Variants in ZNF791 observed in about 807,000 individuals in gnomAD.
ZNF791 encodes zinc finger protein 791.
Under a neutral mutation model 11.5 loss-of-function variants are expected in ZNF791, and 4 were observed. The ratio of observed to expected loss-of-function variants is 0.35; its 90% CI spans 0.17 to 0.80. ZNF791 has a LOEUF of 0.80. Ranked by LOEUF, ZNF791 falls within the 30% of genes least tolerant of loss-of-function variation. The pLI is 0.53. For synonymous variants in ZNF791, 212 were observed against 228.1 expected, an observed-to-expected ratio of 0.93 and a Z score of 0.64; for missense variants, 559 against 699.4, an observed-to-expected ratio of 0.80 and a Z score of 2.26.
In ZNF791 at chr19:12,627,904, C is replaced by T. The variant is rs145986415; in HGVS notation, c.375C>T (p.Tyr125=). 41 of 1,614,058 alleles carry T rather than the reference C, an allele frequency of 2.5e-5. No homozygotes were observed. Among genetic ancestry groups the T allele is most frequent in the African/African-American group, 1.6e-4 (12 of 75,008 alleles). ...LTRHMRSHTG[Y]ELFEKPYKCK... ...GACACATGAGGTCTCACACTGGATA[C>T]GAGCTATTTGAGAAGCCATATAAAT... Residue 125 remains tyrosine, a synonymous_variant, in exon 4 of 4, where the codon TAC becomes TAT. Transcript: ENST00000343325.
rs147639042 is a variant in ZNF791 at position 12,615,774 on chromosome 19, C to T, written c.3+4692C>T. On this transcript the variant is annotated intron_variant, in intron 1 of 3. Transcript: ENST00000343325. ...AGCCTGGGCAACAAGAGCAAGACTC[C>T]GTCTCAAAAAAAAAAAAAAAAAAAA... is the stretch of plus-strand genomic sequence containing the variant. 8.6e-4 allele frequency among the ~76,000 whole-genome samples: 120 copies of T among 140,350 alleles called. 1 individual carries two copies. The highest frequency in any genetic ancestry group is 2.9e-3 in the African/African-American group (106 of 36,928). The allele number at this position is 140,350 out of a possible 152,430, so 92.1% of individuals were successfully genotyped here. A position where few individuals can be genotyped will look rare whatever the true frequency, so the allele number is the denominator to read the frequency against.
Position 12,628,904 on chromosome 19 carries a change from G to C in ZNF791, c.1375G>C (p.Glu459Gln). The C allele has an allele frequency of 6.2e-7, 1 of 1,613,772 alleles. No individual in the cohort carries two copies. The highest frequency in any genetic ancestry group is 8.5e-7 in the Non-Finnish European group (1 of 1,179,884). ...TTTTCCTAGTGCGTTACGAACACATGAAAGAACTCACACTGGAGAGAAACC... is the reference window on the plus strand; with the variant it reads ...TTTTCCTAGTGCGTTACGAACACATCAAAGAACTCACACTGGAGAGAAACC... ...FIFPSALRTH[E>Q]RTHTGEKPYE... is the part of the protein sequence containing the mutation. The change falls in exon 4 of 4, where the codon GAA becomes CAA. Residue 459 changes from glutamate (E) to glutamine (Q), a missense_variant. Physicochemically the swap from Glu to Gln is conservative, Grantham distance 29. Coordinates refer to ENST00000343325, the MANE Select transcript of ZNF791 (RefSeq NM_153358.3).
chr19:12,613,838 G>A (rs181509910), intron 1 of ZNF791, among the ~76,000 whole-genome samples: 17 of 152,282 alleles, frequency 1.1e-4, no homozygotes, highest in African/African-American at 3.4e-4. Context: ...GGAAGCTGAG[G>A]ATGCACAGGC....
At position 12,627,998 on chromosome 19, in the gene ZNF791, G is replaced by A; in HGVS notation, c.469G>A (p.Glu157Lys). 6.2e-7 allele frequency: 1 copy of A among 1,613,780 alleles called. No individual in the cohort carries two copies. Among genetic ancestry groups the A allele is most frequent in the Non-Finnish European group, 8.5e-7 (1 of 1,179,884 alleles). Residue 157 changes from glutamate (E) to lysine (K), a missense_variant, in exon 4 of 4, where the codon GAA becomes AAA. By Grantham distance (56) the Glu-to-Lys change is moderately conservative (BLOSUM62 1). Coordinates refer to ENST00000343325, the MANE Select transcript of ZNF791 (RefSeq NM_153358.3). ...FQRHERSHTG[E>K]KPYKCKQCGK... ...AAGACATGAAAGGAGTCACACTGGA[G>A]AAAAACCCTATAAATGTAAACAATG...
At chr19:12,611,158 C>T in intron 1 of ZNF791, 76 bp downstream of exon 1, 1 of 1,590,158 alleles carries the variant, frequency 6.3e-7, no homozygotes, top group South Asian at 1.1e-5. Context: ...CACCTCCGGC[C>T]GCAGTGTGGG....
chr19:12,614,233 C>A (rs1325060512), intron 1 of ZNF791, among the ~76,000 whole-genome samples: 1 of 151,932 alleles, frequency 6.6e-6, no homozygotes, highest in Non-Finnish European at 1.5e-5. Flanking sequence ...TTACATTTTT[C>A]TTTATTTTTA....
chr19:12,615,864 G>A (rs1334959030), intron 1 of ZNF791, among the ~76,000 whole-genome samples: 3 of 151,836 alleles, frequency 2.0e-5, no homozygotes, highest in African/African-American at 7.2e-5. Flanking sequence ...TCTTAAATTT[G>A]GCAGTTATGA....
At position 12,624,701 on chromosome 19, in the gene ZNF791, G is replaced by A. The variant is rs745996814; in HGVS notation, c.182G>A (p.Arg61Gln). 7 of 1,606,290 alleles carry A rather than the reference G, an allele frequency of 4.4e-6. No homozygotes were observed. The highest frequency in any genetic ancestry group is 2.7e-5 in the African/African-American group (2 of 74,650). ...GAAGATCAACACAAAAACCAAGGACGAAATCTAAGGTGAGTTGCACTCACA... is the reference window on the plus strand; with the variant it reads ...GAAGATCAACACAAAAACCAAGGACAAAATCTAAGGTGAGTTGCACTCACA... ...NVEDQHKNQG[R>Q]NLRSHTGERL... is the part of the protein sequence containing the mutation. Residue 61 changes from arginine (R) to glutamine (Q), a missense_variant, in exon 3 of 4, where the codon CGA becomes CAA. Transcript: ENST00000343325.
rs2023506079 is a variant in ZNF791 at position 12,631,920 on chromosome 19, TTTCTC to T, written c.*2663_*2667del. On this transcript the variant is annotated 3_prime_UTR_variant, in exon 4 of 4. Transcript: ENST00000343325. ...TCTCATTAAATCAGTTAGTAAAACT[TTTCTC>T]TTTCTCTTGATGTCTTGATTCATGA... 1 of 152,170 alleles carries T rather than the reference TTTCTC, an allele frequency of 6.6e-6. No homozygotes were observed. The highest frequency in any genetic ancestry group is 6.5e-5 in the Admixed American group (1 of 15,268). The allele number at this position is 152,170 out of a possible 1,614,324, so 9.4% of individuals were successfully genotyped here.
At chr19:12,622,798 G>A (rs2023374241) in intron 1 of ZNF791, among the ~76,000 whole-genome samples, 1 of 151,418 alleles carries the variant, frequency 6.6e-6, no homozygotes, top group African/African-American at 2.4e-5. Context: ...GGAGGCTGAG[G>A]CAGAGAATTG....
At chr19:12,627,700 C>T (rs1157637672) in intron 3 of ZNF791, 21 bp from the exon 4 acceptor site, 10 of 1,578,190 alleles carry the variant, frequency 6.3e-6, no homozygotes, top group Admixed American at 1.8e-5. Context: ...CCAGTATTAC[C>T]GTGCTTCTAA....
chr19:12,612,451 T>C (rs1422125412), intron 1 of ZNF791: 1 of 147,402 alleles, frequency 6.8e-6, no homozygotes, highest in African/African-American at 2.5e-5. Flanking sequence ...ATTTATTTAC[T>C]TTTTTTTTTG....
chr19:12,627,045 G>T (rs2023439869), intron 3 of ZNF791, among the ~76,000 whole-genome samples: 1 of 152,054 alleles, frequency 6.6e-6, no homozygotes, highest in African/African-American at 2.4e-5. Context: ...GTCAGTTGTG[G>T]TGGTGCATGC....
chr19:12,614,920 T>TTTTTTTTG lies in ZNF791; in HGVS notation c.3+3839_3+3846dup, dbSNP rs2023221376. 1.5e-5 allele frequency among the ~76,000 whole-genome samples: 2 copies of TTTTTTTTG among 134,982 alleles called. 1 individual carries two copies. Among genetic ancestry groups the TTTTTTTTG allele is most frequent in the Non-Finnish European group, 3.1e-5 (2 of 63,616 alleles). 88.6% of individuals were successfully genotyped at this position (134,982 alleles called of 152,430 possible). A position where few individuals can be genotyped will look rare whatever the true frequency, so the allele number is the denominator to read the frequency against. On this transcript the variant is annotated intron_variant, in intron 1 of 3. Transcript: ENST00000343325. ...TTTTTTTTTTTTTTTTTTTTTTTTT[T>TTTTTTTTG]TTTTTTTGATACAGCGTCTCACTCT...
intron 1 of ZNF791, among the ~76,000 whole-genome samples, chr19:12,619,490 C>CCGTAGT (rs370136074): frequency 1.1e-4 from 16 of 139,572 alleles, no homozygotes; most frequent in Admixed American, 1.1e-3. Flanking sequence ...CGATTTGTCT[C>CCGTAGT]CCAGGCTGGA....
At chr19:12,626,771 AT>A (rs1176295283) in intron 3 of ZNF791, among the ~76,000 whole-genome samples, 2 of 149,542 alleles carry the variant, frequency 1.3e-5, no homozygotes, top group Admixed American at 6.7e-5. Context: ...CGCCCGGCTA[AT>A]TTTTTTGTAT....
In ZNF791 at chr19:12,616,641, C is replaced by T. The variant is rs573392913; in HGVS notation, c.3+5559C>T. ...CTAGGAGGCAGAGGTTGCAGTGAGC[C>T]GAGATTGCACCACTGCACTCCACCC... On this transcript the variant is annotated intron_variant, in intron 1 of 3. Transcript: ENST00000343325. Among the ~76,000 whole-genome samples, 7 of 151,942 alleles carry T rather than the reference C, an allele frequency of 4.6e-5. No individual in the cohort carries two copies. In the East Asian group the frequency reaches 1.2e-3, roughly 25 times the overall value.
At position 12,628,434 on chromosome 19, in the gene ZNF791, G is replaced by A; in HGVS notation, c.905G>A (p.Cys302Tyr). The change falls in exon 4 of 4, where the codon TGT becomes TAT. Residue 302 changes from cysteine (C) to tyrosine (Y), a missense_variant. Physicochemically the swap from Cys to Tyr is radical, Grantham distance 194. Transcript: ENST00000343325. ...CACACTGGAGAGAAACCCTATAAAT[G>A]TAAACAATGTGGTAAAGCCTTCAGA... is the stretch of plus-strand genomic sequence containing the variant. ...RIHTGEKPYK[C>Y]KQCGKAFRCS... 1.2e-6 allele frequency: 2 copies of A among 1,610,152 alleles called. No individual in the cohort carries two copies. Among genetic ancestry groups the A allele is most frequent in the Non-Finnish European group, 1.7e-6 (2 of 1,178,138 alleles).
chr19:12,628,568 G>A lies in ZNF791; in HGVS notation c.1039G>A (p.Val347Met), dbSNP rs758161674. Residue 347 changes from valine (V) to methionine (M), a missense_variant, in exon 4 of 4, where the codon GTG becomes ATG. Val to Met is a conservative substitution (Grantham distance 21, BLOSUM62 1). Transcript: ENST00000343325. ...TGCACGCCCAGCCTTTCGAGTACAC[G>A]TGAGAGTGCATACTGGAGAGAAACC... ...FSARPAFRVHVRVHTGEKPYK... is the reference protein window; with the variant it reads ...FSARPAFRVHMRVHTGEKPYK... 4.4e-6 allele frequency: 7 copies of A among 1,600,082 alleles called. No homozygotes were observed. Among genetic ancestry groups the A allele is most frequent in the East Asian group, 2.2e-5 (1 of 44,740 alleles).
Sources: allele counts gnomAD v4.1 joint callset (sites outside exome capture counted in the v4.1 genomes callset), GRCh38; gene constraint gnomAD v4.1.1; transcripts MANE v1.5; gene names NCBI Gene and HGNC (gene_info 2026-07-23, HGNC 2026-07-21).